RBFOX1: variants seen among roughly 807,000 people sequenced by gnomAD.
RBFOX1 encodes the protein RNA binding protein fox-1 homolog 1.
Under a neutral mutation model 57.7 loss-of-function variants are expected in RBFOX1, and 8 were observed. That is an observed-to-expected ratio of 0.14 (90% CI 0.08 to 0.25). The LOEUF is 0.25. RBFOX1 is among the 10% of genes least tolerant of loss of function. RBFOX1 has a pLI of 1.00. For missense variants in RBFOX1, 611 were observed against 548.5 expected, an observed-to-expected ratio of 1.11 and a Z score of -1.14; for synonymous variants, 326 against 222.4, an observed-to-expected ratio of 1.47 and a Z score of -4.15.
chr16:7,510,340 C>A (rs143291761), intron 4 of RBFOX1: 5 of 985,286 alleles, frequency 5.1e-6, no homozygotes, highest in Non-Finnish European at 4.8e-6. Flanking sequence ...TCCATTTAAT[C>A]TTTCACTCAA....
At chr16:5,330,961 C>G (rs1010637627) in intron 1 of RBFOX1, among the ~76,000 whole-genome samples, 3 of 130,946 alleles carry the variant, frequency 2.3e-5, no homozygotes, top group Non-Finnish European at 3.3e-5. Flanking sequence ...TAGCAAAGCA[C>G]AAATACCCAG....
chr16:6,943,116 T>C (rs6500888), intron 3 of RBFOX1, among the ~76,000 whole-genome samples: 85,709 of 152,056 alleles, frequency 0.56, 26,162 homozygotes, highest in African/African-American at 0.81. Context: ...AATCTGGGTA[T>C]TCATTCCTTA....
intron 1 of RBFOX1, chr16:6,092,689 A>T (rs2096192885): frequency 6.6e-6 from 1 of 152,184 alleles, no homozygotes; most frequent in Non-Finnish European, 1.5e-5. Context: ...GTCGAAGATC[A>T]GATGGTTATT....
chr16:6,859,983 G>A (rs1302881632), intron 3 of RBFOX1, among the ~76,000 whole-genome samples: 2 of 152,134 alleles, frequency 1.3e-5, no homozygotes, highest in African/African-American at 4.8e-5. Context: ...GAGTGGAATT[G>A]GTTTTTGCTC....
chr16:7,445,812 A>G (rs1280730608), intron 4 of RBFOX1, among the ~76,000 whole-genome samples: 1 of 152,238 alleles, frequency 6.6e-6, no homozygotes, highest in Non-Finnish European at 1.5e-5. Context: ...TACAACAACA[A>G]ATATTTATAG....
At chr16:6,416,912 G>A (rs2058689331) in intron 2 of RBFOX1, among the ~76,000 whole-genome samples, 1 of 152,168 alleles carries the variant, frequency 6.6e-6, no homozygotes, top group African/African-American at 2.4e-5. Context: ...TGCCATTTGT[G>A]TTTGGATATC....
At chr16:7,125,264 C>G (rs143757327) in intron 4 of RBFOX1, among the ~76,000 whole-genome samples, 2 of 152,270 alleles carry the variant, frequency 1.3e-5, no homozygotes, top group East Asian at 1.9e-4. Context: ...GTCGTTCAGC[C>G]TTTCTAACCT....
chr16:6,249,839 T>C (rs1376682955), intron 1 of RBFOX1, among the ~76,000 whole-genome samples: 1 of 151,132 alleles, frequency 6.6e-6, no homozygotes, highest in Non-Finnish European at 1.5e-5. Context: ...GTTAGTTACA[T>C]ATGTATACAT....
rs561731724 is a variant in RBFOX1 at position 6,951,177 on chromosome 16, G to C, written c.-15-100880G>C. On this transcript the variant is annotated intron_variant, in intron 3 of 15. Transcript: ENST00000550418. The stretch of plus-strand genomic sequence containing the variant: ...CAGCATCAGCTTCCCAAAGTGTTGG[G>C]ATTATAGGTGTGAGCCAACAGGCCC... 1.2e-4 allele frequency among the ~76,000 whole-genome samples: 19 copies of C among 152,200 alleles called. 1 individual carries two copies. The highest frequency in any genetic ancestry group is 3.9e-4 in the African/African-American group (16 of 41,520).
rs530840728 is a variant in RBFOX1 at position 6,648,277 on chromosome 16, T to G, written c.-63-6326T>G. Among the ~76,000 whole-genome samples, 3 of 152,070 alleles carry G rather than the reference T, an allele frequency of 2.0e-5. No homozygotes were observed. The South Asian group carries it at 6.3e-4, about 32-fold the overall frequency. ...TGTCTCCCTAAGGTTTCCAGGCTGGTCTTCAACTCCTGGACTCAAACGATC... is the reference window on the plus strand; with the variant it reads ...TGTCTCCCTAAGGTTTCCAGGCTGGGCTTCAACTCCTGGACTCAAACGATC... On this transcript the variant is annotated intron_variant, in intron 2 of 15. Coordinates refer to ENST00000550418, the MANE Select transcript of RBFOX1 (RefSeq NM_018723.4).
At chr16:6,667,579 C>T (rs146416218) in intron 3 of RBFOX1, among the ~76,000 whole-genome samples, 2 of 152,196 alleles carry the variant, frequency 1.3e-5, no homozygotes, top group East Asian at 3.9e-4. Context: ...GCACAGGATG[C>T]ACCTTGAATA....
At chr16:7,070,846 C>G (rs1041656790) in intron 4 of RBFOX1, among the ~76,000 whole-genome samples, 3 of 152,156 alleles carry the variant, frequency 2.0e-5, no homozygotes, top group African/African-American at 4.8e-5. Context: ...TGCACAGACA[C>G]CAAATTGACC....
intron 4 of RBFOX1, among the ~76,000 whole-genome samples, chr16:7,380,841 C>A (rs995712005): frequency 6.6e-6 from 1 of 152,166 alleles, no homozygotes; most frequent in South Asian, 2.1e-4. Flanking sequence ...GGGGTCTTCT[C>A]CCTCTTGCTA....
At chr16:6,488,959 A>G (rs2095566278) in intron 2 of RBFOX1, among the ~76,000 whole-genome samples, 5 of 152,154 alleles carry the variant, frequency 3.3e-5, no homozygotes, top group African/African-American at 1.2e-4. Flanking sequence ...AACATTTAAA[A>G]TCTCTGGTTG....
intron 3 of RBFOX1, among the ~76,000 whole-genome samples, chr16:5,709,810 T>C (rs1390175859): frequency 4.1e-4 from 5 of 12,160 alleles, no homozygotes; most frequent in Non-Finnish European, 6.5e-4. Context: ...TCAGTTTCTT[T>C]ATATATATAT....
At chr16:5,736,796 T>G (rs1301055262) in intron 3 of RBFOX1, among the ~76,000 whole-genome samples, 1 of 151,796 alleles carries the variant, frequency 6.6e-6, no homozygotes, top group Non-Finnish European at 1.5e-5. Flanking sequence ...TGTCTGTGAA[T>G]TTGTCTTTGT....
intron 3 of RBFOX1, among the ~76,000 whole-genome samples, chr16:6,913,972 C>G (rs990082748): frequency 1.3e-5 from 2 of 152,206 alleles, no homozygotes; most frequent in Non-Finnish European, 2.9e-5. Context: ...TACTCCCCAC[C>G]TCATGTATAC....
intron 1 of RBFOX1, among the ~76,000 whole-genome samples, chr16:5,407,703 C>G (rs116347784): frequency 0.023 from 3,453 of 152,274 alleles, 123 homozygotes; most frequent in African/African-American, 0.079. Context: ...GACCCACCAC[C>G]ACGCTGGGCT....
chr16:6,643,382 A>T (rs1037343237), intron 2 of RBFOX1, among the ~76,000 whole-genome samples: 13 of 151,412 alleles, frequency 8.6e-5, no homozygotes, highest in Non-Finnish European at 1.6e-4. Flanking sequence ...TCATGTATTC[A>T]AGTAAACTGA....
Sources: allele counts gnomAD v4.1 joint callset (sites outside exome capture counted in the v4.1 genomes callset), GRCh38; gene constraint gnomAD v4.1.1; transcripts MANE v1.5; gene names NCBI Gene and HGNC (gene_info 2026-07-23, HGNC 2026-07-21).